The following FAM81B variants were observed in gnomAD, a reference collection of about 807,000 sequenced individuals.
FAM81B encodes family with sequence similarity 81 member B, also known as protein FAM81B.
Under a neutral mutation model 58.7 loss-of-function variants are expected in FAM81B, and 60 were observed. That is an observed-to-expected ratio of 1.02 (90% CI 0.83 to 1.27). FAM81B has a LOEUF of 1.27. FAM81B is among the 50% of genes most tolerant of loss of function. FAM81B has a pLI of 0.00. For synonymous variants in FAM81B, 189 were observed against 179.6 expected (o/e 1.05, Z -0.42); for missense variants, 491 against 522.0 (o/e 0.94, Z 0.58).
intron 7 of FAM81B, among the ~76,000 whole-genome samples, chr5:95,440,972 C>T (rs1745319174): frequency 6.6e-6 from 1 of 152,178 alleles, no homozygotes; most frequent in Non-Finnish European, 1.5e-5. Flanking sequence ...GAAAAAGTTT[C>T]CCCGTGCCAC....
At chr5:95,399,716 A>G (rs1019053509) in intron 3 of FAM81B, among the ~76,000 whole-genome samples, 5 of 152,136 alleles carry the variant, frequency 3.3e-5, no homozygotes, top group Admixed American at 3.3e-4. Context: ...GCACAGAGGG[A>G]GCCCCCACCA....
chr5:95,426,954 C>T (rs149105683), intron 5 of FAM81B, among the ~76,000 whole-genome samples: 2,261 of 152,216 alleles, frequency 0.015, 25 homozygotes, highest in Admixed American at 0.026. Context: ...GAGGGTGAGG[C>T]AGGAGAATGG....
At chr5:95,416,518 T>C (rs563713941) in intron 4 of FAM81B, among the ~76,000 whole-genome samples, 21 of 152,226 alleles carry the variant, frequency 1.4e-4, no homozygotes, top group Non-Finnish European at 2.9e-4. Context: ...AAAGCAATAC[T>C]TGTTCATCAT....
chr5:95,443,303 C>T (rs2152770310), intron 7 of FAM81B, among the ~76,000 whole-genome samples: 1 of 152,228 alleles, frequency 6.6e-6, no homozygotes, highest in Non-Finnish European at 1.5e-5. Flanking sequence ...CTTATAATTG[C>T]TCTCGGTGTG....
intron 3 of FAM81B, among the ~76,000 whole-genome samples, chr5:95,399,928 T>C (rs1179747387): frequency 6.6e-6 from 1 of 152,184 alleles, no homozygotes; most frequent in Non-Finnish European, 1.5e-5. Context: ...GCTGCTGTGA[T>C]GTAGGAGAAA....
chr5:95,420,871 T>A (rs556681790), intron 5 of FAM81B, among the ~76,000 whole-genome samples: 2 of 152,224 alleles, frequency 1.3e-5, no homozygotes, highest in Non-Finnish European at 2.9e-5. Flanking sequence ...TCAGCAAATA[T>A]GTGTAGGTAT....
chr5:95,441,966 C>T (rs991970575), intron 7 of FAM81B, among the ~76,000 whole-genome samples: 11 of 151,830 alleles, frequency 7.2e-5, no homozygotes, highest in African/African-American at 2.7e-4. Context: ...TTACTGCTGA[C>T]GCTTGTTTAG....
At chr5:95,434,983 C>T (rs1745044387) in intron 6 of FAM81B, among the ~76,000 whole-genome samples, 2 of 152,200 alleles carry the variant, frequency 1.3e-5, no homozygotes, top group South Asian at 2.1e-4. Context: ...GGGAGGGAGA[C>T]TATGACAGAG....
chr5:95,396,129 A>C lies in FAM81B; in HGVS notation c.247A>C (p.Lys83Gln), dbSNP rs377223154. The C allele has an allele frequency of 6.2e-7, 1 of 1,608,724 alleles. No individual in the cohort carries two copies. Among genetic ancestry groups the C allele is most frequent in the African/African-American group, 1.3e-5 (1 of 74,666 alleles). Residue 83 changes from lysine (K) to glutamine (Q), a missense_variant, in exon 3 of 10, where the codon AAA becomes CAA. Transcript: ENST00000283357. ...GTTTTAGGTAAGATTATCTCCAGCC[A>C]AAATGTCAACCAAGAATTCTACAGA... ...QEKKVRLSPA[K>Q]MSTKNSTDLV...
At chr5:95,433,699 T>C (rs1409577837) in intron 6 of FAM81B, among the ~76,000 whole-genome samples, 3 of 152,248 alleles carry the variant, frequency 2.0e-5, no homozygotes, top group Non-Finnish European at 4.4e-5. Flanking sequence ...TCTGTATTTT[T>C]AGGGCACAAA....
chr5:95,399,798 T>C (rs1320365603), intron 3 of FAM81B, among the ~76,000 whole-genome samples: 1 of 152,044 alleles, frequency 6.6e-6, no homozygotes, highest in Non-Finnish European at 1.5e-5. Context: ...GGTGACTTGG[T>C]GAAAAATTAC....
intron 5 of FAM81B, among the ~76,000 whole-genome samples, chr5:95,425,846 A>G (rs980490678): frequency 6.6e-6 from 1 of 151,742 alleles, no homozygotes; most frequent in Non-Finnish European, 1.5e-5. Flanking sequence ...ATAATATCTA[A>G]AGTTGGTATT....
chr5:95,444,571 G>A (rs1291014358), intron 7 of FAM81B, among the ~76,000 whole-genome samples: 1 of 152,164 alleles, frequency 6.6e-6, no homozygotes, highest in Non-Finnish European at 1.5e-5. Context: ...TCCAACAGCT[G>A]TTAACCAACA....
rs1268499944 is a variant in FAM81B at position 95,450,234 on chromosome 5, A to C, written c.1311A>C (p.Lys437Asn). 5.0e-6 allele frequency: 8 copies of C among 1,613,264 alleles called. No individual in the cohort carries two copies. The highest frequency in any genetic ancestry group is 6.8e-6 in the Non-Finnish European group (8 of 1,179,648). The change falls in exon 10 of 10, where the codon AAA becomes AAC. Residue 437 changes from lysine to asparagine, a missense_variant. Physicochemically the swap from Lys to Asn is moderately conservative, Grantham distance 94. Coordinates refer to ENST00000283357, the MANE Select transcript of FAM81B (RefSeq NM_152548.3). ...ATTTAGAGAAATATAAAGTACAGAA[A>C]GACCTAAAGAAATTACAGCGCAAGA... ...KMDLEKYKVQ[K>N]DLKKLQRKIV... is the part of the protein sequence containing the mutation.
chr5:95,431,580 T>C (rs10064546), intron 6 of FAM81B, among the ~76,000 whole-genome samples: 8,190 of 152,076 alleles, frequency 0.054, 262 homozygotes, highest in South Asian at 0.14. Context: ...TAATGTTGAG[T>C]GTTCTATCCA....
intron 6 of FAM81B, among the ~76,000 whole-genome samples, chr5:95,433,235 C>CTG (rs1744968942): frequency 1.3e-5 from 2 of 148,984 alleles, no homozygotes; most frequent in Non-Finnish European, 3.0e-5. Context: ...GCTGGGGAGA[C>CTG]CTCACAGTCA....
intron 4 of FAM81B, among the ~76,000 whole-genome samples, chr5:95,419,434 C>T (rs1762620358): frequency 6.6e-6 from 1 of 152,068 alleles, no homozygotes; most frequent in South Asian, 2.1e-4. Context: ...TTAGTAAATA[C>T]CAATTTCTTA....
intron 1 of FAM81B, among the ~76,000 whole-genome samples, chr5:95,392,254 C>T (rs1021288180): frequency 7.2e-5 from 11 of 152,124 alleles, no homozygotes; most frequent in Non-Finnish European, 1.3e-4. Context: ...AACACAGGAA[C>T]GGAAAACCAA....
In FAM81B at chr5:95,414,036, T is replaced by C; in HGVS notation, c.383T>C (p.Leu128Pro). ...AACCAGGCGCGTACCATAGCTTTCC[T>C]TCTTGAACAAGCCTTCCGCATCAAG... is the stretch of plus-strand genomic sequence containing the variant. ...LNNQARTIAF[L>P]LEQAFRIKED... Residue 128 changes from leucine (L) to proline (P), a missense_variant, in exon 4 of 10, where the codon CTT (leucine) becomes CCT (proline). Coordinates refer to ENST00000283357, the MANE Select transcript of FAM81B (RefSeq NM_152548.3). 6.2e-7 allele frequency: 1 copy of C among 1,614,074 alleles called. No individual in the cohort carries two copies. The highest frequency in any genetic ancestry group is 8.5e-7 in the Non-Finnish European group (1 of 1,180,016).
Sources: allele counts gnomAD v4.1 joint callset (sites outside exome capture counted in the v4.1 genomes callset), GRCh38; gene constraint gnomAD v4.1.1; transcripts MANE v1.5; gene names NCBI Gene and HGNC (gene_info 2026-07-23, HGNC 2026-07-21).